The following TBC1D22A variants were observed in gnomAD, a reference collection of about 807,000 sequenced individuals.
TBC1D22A encodes putative GTPase activator.
In TBC1D22A, 38 loss-of-function variants were observed where a neutral mutation model predicts 60.2. The ratio of observed to expected loss-of-function variants is 0.63; its 90% CI spans 0.49 to 0.83. TBC1D22A has a LOEUF of 0.83. Ranked by LOEUF, TBC1D22A falls within the 40% of genes least tolerant of loss-of-function variation. The probability of loss-of-function intolerance (pLI) is 0.00; values close to 1 mark genes in which losing one functional copy is unlikely to be tolerated. For missense variants in TBC1D22A, 628 were observed against 701.0 expected (o/e 0.90, Z 1.18); for synonymous variants, 302 against 281.7 (o/e 1.07, Z -0.72).
chr22:47,007,607 G>T (rs2061632538), intron 10 of TBC1D22A, among the ~76,000 whole-genome samples: 1 of 152,150 alleles, frequency 6.6e-6, no homozygotes, highest in South Asian at 2.1e-4. Flanking sequence ...TTTCTGGTGA[G>T]GGCTGTCCCC....
intron 11 of TBC1D22A, among the ~76,000 whole-genome samples, chr22:47,065,656 A>ACGAGGACTTAGCAGGCCTCGTAGTT: frequency 6.9e-6 from 1 of 145,638 alleles, no homozygotes; most frequent in East Asian, 2.1e-4. Flanking sequence ...GGTTGGATTG[A>ACGAGGACTTAGCAGGCCTCGTAGTT]GGGAGACCTG....
At chr22:46,808,405 A>C (rs915354534) in intron 4 of TBC1D22A, among the ~76,000 whole-genome samples, 6 of 152,286 alleles carry the variant, frequency 3.9e-5, no homozygotes, top group South Asian at 2.1e-4. Context: ...TAGGGATGGG[A>C]GGTGAAAAAT....
chr22:47,113,430 T>C (rs185848075), intron 12 of TBC1D22A, among the ~76,000 whole-genome samples: 1 of 151,608 alleles, frequency 6.6e-6, no homozygotes, highest in East Asian at 1.9e-4. Context: ...GGAGGTGGGG[T>C]GGGAGAGGAC....
In TBC1D22A at chr22:47,076,361, G is replaced by GTATA. The variant is rs769322904; in HGVS notation, c.1330-35130_1330-35127dup. On this transcript the variant is annotated intron_variant, in intron 11 of 12. Coordinates refer to ENST00000337137, the MANE Select transcript of TBC1D22A (RefSeq NM_014346.5). ...TGTGTGTATATATATATATGTGTGTGTATATATATATATATATATACACAC... is the reference window on the plus strand; with the variant it reads ...TGTGTGTATATATATATATGTGTGTGTATATATATATATATATATATATACACAC... Among the ~76,000 whole-genome samples, 768 of 101,848 alleles carry GTATA rather than the reference G, an allele frequency of 7.5e-3. 5 individuals are homozygous for GTATA. Among genetic ancestry groups the GTATA allele is most frequent in the Non-Finnish European group, 8.7e-3 (450 of 51,458 alleles). The allele number at this position is 101,848 out of a possible 152,430, so 66.8% of individuals were successfully genotyped here.
chr22:46,862,013 C>T (rs935424341), intron 4 of TBC1D22A, among the ~76,000 whole-genome samples: 1 of 152,068 alleles, frequency 6.6e-6, no homozygotes, highest in African/African-American at 2.4e-5. Flanking sequence ...GCCTCCCTGG[C>T]CTTGTGGCTT....
Position 46,851,650 on chromosome 22 carries a change from A to G in TBC1D22A, c.638-27003A>G, listed in dbSNP as rs146205312. Among the ~76,000 whole-genome samples, 240 of 152,386 alleles carry G rather than the reference A, an allele frequency of 1.6e-3. 3 individuals carry two copies. The highest frequency in any genetic ancestry group is 5.3e-3 in the African/African-American group (221 of 41,600). ...TCCTCTGTGGCCTGTGTGAGCCATC[A>G]GGATTCAATGCAGTGATTAGAATTC... On this transcript the variant is annotated intron_variant, in intron 4 of 12. Coordinates refer to ENST00000337137, the MANE Select transcript of TBC1D22A (RefSeq NM_014346.5).
At chr22:47,067,454 G>T (rs1383140811) in intron 11 of TBC1D22A, among the ~76,000 whole-genome samples, 1 of 152,208 alleles carries the variant, frequency 6.6e-6, no homozygotes, top group African/African-American at 2.4e-5. Flanking sequence ...ACAAAGAGAT[G>T]GGCATTAGCA....
chr22:46,797,409 C>T (rs939962743), intron 3 of TBC1D22A, 35 bp from the exon 4 acceptor site: 1 of 1,604,214 alleles, frequency 6.2e-7, no homozygotes, highest in South Asian at 1.1e-5. Context: ...GGGAGGAGCG[C>T]CCTCACCCTC....
At chr22:46,956,481 A>G (rs969012164) in intron 8 of TBC1D22A, among the ~76,000 whole-genome samples, 71 of 152,242 alleles carry the variant, frequency 4.7e-4, no homozygotes, top group African/African-American at 1.5e-3. Flanking sequence ...ACTTACAAGT[A>G]TCATGTAATA....
chr22:46,906,115 G>GTT (rs2069446958), intron 7 of TBC1D22A, among the ~76,000 whole-genome samples: 2 of 152,072 alleles, frequency 1.3e-5, no homozygotes, highest in South Asian at 4.1e-4. Context: ...TTGGTTCTTG[G>GTT]CTTGCCCTCA....
At chr22:46,910,429 C>T (rs1364474776) in intron 7 of TBC1D22A, among the ~76,000 whole-genome samples, 9 of 152,174 alleles carry the variant, frequency 5.9e-5, no homozygotes, top group Non-Finnish European at 1.2e-4. Flanking sequence ...AAGGGATCGA[C>T]TCCCCAGGGT....
chr22:46,849,247 T>TGGGTCTCCAGAC (rs2087161252), intron 4 of TBC1D22A, among the ~76,000 whole-genome samples: 1 of 152,210 alleles, frequency 6.6e-6, no homozygotes, highest in Non-Finnish European at 1.5e-5. Flanking sequence ...TCCGTCCAAG[T>TGGGTCTCCAGAC]GGGTCTCCAG....
chr22:47,168,122 G>A (rs749070467), intron 12 of TBC1D22A, among the ~76,000 whole-genome samples: 11 of 152,232 alleles, frequency 7.2e-5, no homozygotes, highest in African/African-American at 2.4e-4. Context: ...CGGACTCTGC[G>A]ACGTTCACTG....
At chr22:46,871,584 C>T (rs1390399758) in intron 4 of TBC1D22A, among the ~76,000 whole-genome samples, 2 of 152,178 alleles carry the variant, frequency 1.3e-5, no homozygotes, top group Admixed American at 1.3e-4. Context: ...TGGAAATTTA[C>T]CTGCATACTT....
chr22:46,955,724 A>G (rs1335929675), intron 8 of TBC1D22A, among the ~76,000 whole-genome samples: 1 of 152,226 alleles, frequency 6.6e-6, no homozygotes, highest in Non-Finnish European at 1.5e-5. Flanking sequence ...AATCATCACA[A>G]ATTAAAAAAG....
chr22:46,869,317 T>C (rs2067201977), intron 4 of TBC1D22A, among the ~76,000 whole-genome samples: 1 of 152,236 alleles, frequency 6.6e-6, no homozygotes, highest in Non-Finnish European at 1.5e-5. Flanking sequence ...GTACCTTGCA[T>C]TCCTTTCTCC....
chr22:46,872,690 A>C (rs1019987493), intron 4 of TBC1D22A, among the ~76,000 whole-genome samples: 18 of 152,204 alleles, frequency 1.2e-4, no homozygotes, highest in African/African-American at 4.3e-4. Context: ...TGAGTGTAGG[A>C]ATTAGGAAAG....
intron 8 of TBC1D22A, among the ~76,000 whole-genome samples, chr22:46,918,168 A>T (rs1482387907): frequency 6.6e-6 from 1 of 152,196 alleles, no homozygotes. Flanking sequence ...TGCTCTTGTG[A>T]TCATCGTTAC....
chr22:47,135,829 C>T (rs553237400), intron 12 of TBC1D22A, among the ~76,000 whole-genome samples: 15 of 151,172 alleles, frequency 9.9e-5, no homozygotes, highest in African/African-American at 2.2e-4. Flanking sequence ...GCACGCGCCA[C>T]GTGCCAGGAC....
Sources: gnomAD v4.1 joint callset for allele counts (sites outside exome capture counted in the v4.1 genomes callset) on GRCh38, gnomAD v4.1.1 for gene constraint, MANE v1.5 for transcripts, NCBI Gene and HGNC (gene_info 2026-07-23, HGNC 2026-07-21) for gene names.